The following TDRKH variants were observed in gnomAD, a reference collection of about 807,000 sequenced individuals.
The protein encoded by TDRKH is tudor and KH domain-containing protein.
A neutral mutation model predicts 61.3 loss-of-function variants in TDRKH; 28 were observed. The observed-to-expected ratio is 0.46, with a 90% CI of 0.34 to 0.63. The LOEUF (loss-of-function observed/expected upper bound fraction) is 0.63, where lower values mean the gene tolerates loss of function less well. TDRKH is among the 20% of genes least tolerant of loss of function. TDRKH has a pLI of 0.01. For synonymous variants in TDRKH, 219 were observed against 244.4 expected (o/e 0.90, Z 0.97); for missense variants, 540 against 683.4 (o/e 0.79, Z 2.34).
At chr1:151,770,440 C>A, downstream of TDRKH, 1 of 823,936 alleles carries the variant, frequency 1.2e-6, no homozygotes, top group Non-Finnish European at 1.8e-6. Context: ...TACAACTGGA[C>A]TCTGAGGAAG....
chr1:151,776,542 G>T lies in TDRKH; in HGVS notation c.941C>A (p.Ala314Asp). 6.2e-7 allele frequency: 1 copy of T among 1,614,194 alleles called. No individual in the cohort carries two copies. The highest frequency in any genetic ancestry group is 1.7e-5 in the Admixed American group (1 of 60,028). Residue 314 changes from alanine (A) to aspartate (D), a missense_variant, in exon 7 of 13, where the codon GCT (alanine) becomes GAT (aspartate). Transcript: ENST00000368824. Reference protein sequence around the residue: ...ADEYLEVYVSASEHPNHFWIQ... With the variant: ...ADEYLEVYVSDSEHPNHFWIQ... ...CCAGAAGTGGTTAGGGTGCTCAGAA[G>T]CAGAAACGTAGACTTCTAGGTACTC...
chr1:151,772,841 T>C (rs1648802067), downstream of TDRKH, among the ~76,000 whole-genome samples: 1 of 152,142 alleles, frequency 6.6e-6, no homozygotes, highest in Non-Finnish European at 1.5e-5. Context: ...ATAGTATAGG[T>C]GGGGTCTTAC....
At chr1:151,777,888 T>C (rs1440044531) in intron 6 of TDRKH, among the ~76,000 whole-genome samples, 1 of 151,982 alleles carries the variant, frequency 6.6e-6, no homozygotes, top group Non-Finnish European at 1.5e-5. Flanking sequence ...TAAGCCAGTA[T>C]TTCTTTTTTT....
intron 1 of TDRKH, 96 bp from the exon 2 acceptor site, chr1:151,783,145 C>T (rs1185585841): frequency 1.8e-6 from 2 of 1,098,200 alleles, no homozygotes; most frequent in Non-Finnish European, 1.2e-6. Flanking sequence ...GAAAAGACTA[C>T]TACTGCCTAC....
In TDRKH at chr1:151,781,547, T is replaced by C; in HGVS notation, c.165A>G (p.Ile55Met). The change falls in exon 3 of 13, where the codon ATA becomes ATG. Residue 55 changes from isoleucine (I) to methionine (M), a missense_variant. This residue lies in a region of TDRKH where 156 missense variants were observed against 218.0 expected (regional missense o/e 0.72). Coordinates refer to ENST00000368824, the MANE Select transcript of TDRKH (RefSeq NM_001083965.2). ...CAGCCTCCTGGGGAACCCGCATCTCTATCTCAATGTCATCTTCCCCAACAA... is the reference window on the plus strand; with the variant it reads ...CAGCCTCCTGGGGAACCCGCATCTCCATCTCAATGTCATCTTCCCCAACAA... ...LTFVGEDDIE[I>M]EMRVPQEAVK... is the part of the protein sequence containing the mutation. 6.2e-7 allele frequency: 1 copy of C among 1,613,688 alleles called. No homozygotes were observed.
Position 151,781,716 on chromosome 1 carries a change from A to G in TDRKH, c.125-129T>C, listed in dbSNP as rs991306644. ...GAGATAAAGTGAGGATCTCAACCAT[A>G]ACAACAAGGAAAAGTGGCATCTGAA... On this transcript the variant is annotated intron_variant, in intron 2 of 12. Transcript: ENST00000368824. 1.2e-4 allele frequency: 88 copies of G among 744,592 alleles called. No individual in the cohort carries two copies. The African/African-American group carries it at 1.4e-3, about 12-fold the overall frequency. 46.1% of individuals were successfully genotyped at this position (744,592 alleles called of 1,614,324 possible).
downstream of TDRKH, chr1:151,767,873 G>A (rs1571968642): frequency 4.1e-6 from 3 of 732,222 alleles, no homozygotes; most frequent in Non-Finnish European, 6.5e-6. Flanking sequence ...TGATATAAAG[G>A]AGAACTCCAC....
intron 1 of TDRKH, among the ~76,000 whole-genome samples, chr1:151,786,918 G>A (rs867091894): frequency 6.6e-6 from 1 of 152,184 alleles, no homozygotes; most frequent in African/African-American, 2.4e-5. Flanking sequence ...GACAGAAAGG[G>A]TTGAGGTTAA....
intron 1 of TDRKH, among the ~76,000 whole-genome samples, chr1:151,787,216 C>CT (rs1294966494): frequency 6.6e-6 from 1 of 152,128 alleles, no homozygotes; most frequent in East Asian, 1.9e-4. Context: ...CCCCTGATTA[C>CT]TTTAGATATA....
chr1:151,771,430 C>T (rs1402509183), downstream of TDRKH: 2 of 1,206,076 alleles, frequency 1.7e-6, no homozygotes, highest in Non-Finnish European at 2.1e-6. Flanking sequence ...TCACAGGGAC[C>T]TGAACTACGG....
chr1:151,774,882 T>C (rs1162153912), intron 11 of TDRKH, 76 bp from the exon 12 acceptor site: 4 of 1,524,538 alleles, frequency 2.6e-6, no homozygotes, highest in Non-Finnish European at 3.6e-6. Context: ...TTCATTCTTC[T>C]CATAGGACCT....
intron 12 of TDRKH, 100 bp downstream of exon 12, chr1:151,774,610 G>T: frequency 6.3e-7 from 1 of 1,575,548 alleles, no homozygotes; most frequent in South Asian, 1.1e-5. Context: ...TCAATGACCT[G>T]ACTAGGAACC....
chr1:151,767,293 G>A (rs1185281421), downstream of TDRKH: 2 of 1,613,640 alleles, frequency 1.2e-6, no homozygotes, highest in South Asian at 2.2e-5. Context: ...TTAAAGAACT[G>A]TATTCGGTAA....
chr1:151,775,613 C>T (rs1649087725), intron 9 of TDRKH, 70 bp from the exon 10 acceptor site: 2 of 1,547,988 alleles, frequency 1.3e-6, no homozygotes, highest in South Asian at 1.3e-5. Context: ...GTTGGAACTA[C>T]CCTTTTCTAC....
intron 2 of TDRKH, among the ~76,000 whole-genome samples, chr1:151,782,619 A>C (rs559313877): frequency 6.6e-6 from 1 of 152,102 alleles, no homozygotes; most frequent in East Asian, 1.9e-4. Flanking sequence ...AACATGGGAA[A>C]ACCCCATCTC....
chr1:151,770,214 G>C, downstream of TDRKH: 1 of 1,613,876 alleles, frequency 6.2e-7, no homozygotes. Context: ...AGACAAATGT[G>C]GACTCTGTGT....
At chr1:151,774,991 A>G in intron 11 of TDRKH, 74 bp downstream of exon 11, 2 of 1,484,260 alleles carry the variant, frequency 1.3e-6, no homozygotes, top group Non-Finnish European at 1.9e-6. Flanking sequence ...ACACAGTATC[A>G]GGACTAGAAG....
rs1553282714 is a variant in TDRKH, at chr1:151,781,326, A to ATATATATATATATATATATATAT, written c.231+154_231+155insATATATATATATATATATATATA. Among the ~76,000 whole-genome samples the ATATATATATATATATATATATAT allele has an allele frequency of 1.2e-3, 26 of 22,306 alleles. 1 individual carries two copies. The highest frequency in any genetic ancestry group is 2.7e-3 in the East Asian group (2 of 750). The allele number at this position is 22,306 out of a possible 152,430, so 14.6% of individuals were successfully genotyped here. On this transcript the variant is annotated intron_variant, in intron 3 of 12. Transcript: ENST00000368824. ...GAGCGAAACTCCATCTCAAAAAAAAAAAATATATATATATATATTTTATAT... is the reference window on the plus strand; with the variant it reads ...GAGCGAAACTCCATCTCAAAAAAAAATATATATATATATATATATATATAAATATATATATATATATTTTATAT...
chr1:151,782,607 G>T (rs1337036600), intron 2 of TDRKH, among the ~76,000 whole-genome samples: 1 of 151,984 alleles, frequency 6.6e-6, no homozygotes, highest in South Asian at 2.1e-4. Context: ...ACCAGCCTGG[G>T]CAACATGGGA....
Sources: allele counts gnomAD v4.1 joint callset (sites outside exome capture counted in the v4.1 genomes callset), GRCh38; gene constraint gnomAD v4.1.1; regional missense constraint gnomAD v4.1.1; transcripts MANE v1.5; gene names NCBI Gene and HGNC (gene_info 2026-07-23, HGNC 2026-07-21).